Variants in TFEC observed in about 807,000 individuals in gnomAD.
TFEC encodes class E basic helix-loop-helix protein 34.
Under a neutral mutation model 41.6 loss-of-function variants are expected in TFEC, and 31 were observed. That is an observed-to-expected ratio of 0.74 (90% CI 0.56 to 1.01). TFEC has a LOEUF of 1.01. Ranked by LOEUF, TFEC falls within the 50% of genes least tolerant of loss-of-function variation. TFEC has a pLI of 0.00. For synonymous variants in TFEC, 143 were observed against 140.6 expected (o/e 1.02, Z -0.12); for missense variants, 402 against 404.1 (o/e 0.99, Z 0.04).
At chr7:116,023,961 T>C (rs962394767) in intron 1 of TFEC, among the ~76,000 whole-genome samples, 5 of 152,170 alleles carry the variant, frequency 3.3e-5, no homozygotes, top group East Asian at 1.9e-4. Context: ...TTCCCTTTTT[T>C]AGTGGAGACC....
At chr7:116,034,342 T>C (rs1795858882), upstream of TFEC, among the ~76,000 whole-genome samples, 1 of 152,076 alleles carries the variant, frequency 6.6e-6, no homozygotes, top group African/African-American at 2.4e-5. Flanking sequence ...AATTCCATAC[T>C]CATATATCCA....
At chr7:116,036,952 G>A (rs1380340947) in intron 3 of TFEC, among the ~76,000 whole-genome samples, 1 of 151,994 alleles carries the variant, frequency 6.6e-6, no homozygotes, top group African/African-American at 2.4e-5. Context: ...GTTGATAATA[G>A]ATAACATTTA....
chr7:116,103,201 G>T (rs1797642410), intron 3 of TFEC, among the ~76,000 whole-genome samples: 1 of 152,166 alleles, frequency 6.6e-6, no homozygotes, highest in African/African-American at 2.4e-5. Context: ...GAGCCCCAGG[G>T]AAGCAGAGCA....
At chr7:115,968,641 G>A (rs1394255662) in intron 3 of TFEC, among the ~76,000 whole-genome samples, 2 of 151,882 alleles carry the variant, frequency 1.3e-5, no homozygotes, top group East Asian at 1.9e-4. Flanking sequence ...TAAACTCAGA[G>A]GCTAAGCAAT....
intron 1 of TFEC, among the ~76,000 whole-genome samples, chr7:115,999,678 T>C (rs1203972608): frequency 6.6e-6 from 1 of 151,906 alleles, no homozygotes; most frequent in African/African-American, 2.4e-5. Context: ...CAAATGATTA[T>C]TAGGGCTACT....
chr7:116,111,020 A>G, intron 2 of TFEC: 1 of 576,662 alleles, frequency 1.7e-6, no homozygotes, highest in South Asian at 5.1e-5. Context: ...TAAATTTAGT[A>G]AATGATAAGG....
At chr7:116,159,115 G>A (rs1798925399) in intron 1 of TFEC, among the ~76,000 whole-genome samples, 1 of 151,688 alleles carries the variant, frequency 6.6e-6, no homozygotes, top group South Asian at 2.1e-4. Flanking sequence ...TACTTAAAGA[G>A]CTATCTGAAA....
intron 2 of TFEC, among the ~76,000 whole-genome samples, chr7:116,111,339 T>C (rs1396369191): frequency 2.0e-5 from 3 of 152,038 alleles, no homozygotes; most frequent in African/African-American, 2.4e-5. Context: ...TGCAAGTATA[T>C]TAAAATATGT....
intron 1 of TFEC, among the ~76,000 whole-genome samples, chr7:115,990,751 CT>C (rs1794072357): frequency 6.6e-6 from 1 of 152,202 alleles, no homozygotes; most frequent in African/African-American, 2.4e-5. Context: ...AAATCTACAT[CT>C]GATTGGTGTA....
chr7:116,054,776 C>T (rs528376700), intron 3 of TFEC, among the ~76,000 whole-genome samples: 3 of 151,996 alleles, frequency 2.0e-5, no homozygotes, highest in East Asian at 3.9e-4. Context: ...ATCTGGCAAC[C>T]CTATTACTGG....
At chr7:116,047,909 G>A (rs1312937138) in intron 3 of TFEC, among the ~76,000 whole-genome samples, 2 of 152,186 alleles carry the variant, frequency 1.3e-5, no homozygotes, top group Non-Finnish European at 2.9e-5. Context: ...CAACAGACCT[G>A]CAGCTGAGGG....
intron 3 of TFEC, among the ~76,000 whole-genome samples, chr7:116,087,150 A>C (rs1445627205): frequency 6.6e-6 from 1 of 151,980 alleles, no homozygotes; most frequent in Non-Finnish European, 1.5e-5. Context: ...AAAAACTTCC[A>C]ACTAAGCCTA....
At chr7:116,100,898 G>A (rs541653387) in intron 3 of TFEC, among the ~76,000 whole-genome samples, 1 of 152,116 alleles carries the variant, frequency 6.6e-6, no homozygotes, top group African/African-American at 2.4e-5. Context: ...AGCACACTGA[G>A]CCTGAAATGC....
At chr7:116,136,627 A>C (rs575981902) in intron 1 of TFEC, among the ~76,000 whole-genome samples, 2 of 152,054 alleles carry the variant, frequency 1.3e-5, no homozygotes, top group East Asian at 1.9e-4. Context: ...CATTAATATT[A>C]GGTTATTTAT....
At chr7:116,062,705 A>C (rs1444833180) in intron 3 of TFEC, among the ~76,000 whole-genome samples, 2 of 151,680 alleles carry the variant, frequency 1.3e-5, no homozygotes, top group Non-Finnish European at 2.9e-5. Flanking sequence ...TAGTTTTTGT[A>C]TAATGACTTC....
chr7:115,980,712 T>C (rs1793589558), intron 2 of TFEC, among the ~76,000 whole-genome samples: 1 of 151,386 alleles, frequency 6.6e-6, no homozygotes, highest in African/African-American at 2.4e-5. Context: ...ATTGTGCCAC[T>C]GCACTCCAGC....
chr7:115,982,400 T>C (rs1296047757), intron 2 of TFEC, among the ~76,000 whole-genome samples: 1 of 152,188 alleles, frequency 6.6e-6, no homozygotes, highest in Admixed American at 6.6e-5. Context: ...CTATACACTT[T>C]CTGCCTTGAG....
intron 1 of TFEC, among the ~76,000 whole-genome samples, chr7:116,001,878 A>T (rs920061412): frequency 6.6e-6 from 1 of 152,156 alleles, no homozygotes; most frequent in African/African-American, 2.4e-5. Context: ...ACAGGTATAT[A>T]AAAAGGTGCT....
intron 1 of TFEC, among the ~76,000 whole-genome samples, chr7:116,019,773 T>A (rs1231227798): frequency 6.6e-6 from 1 of 152,176 alleles, no homozygotes; most frequent in Non-Finnish European, 1.5e-5. Flanking sequence ...CACTGGCTTA[T>A]CTAATCCCTT....
Sources: allele counts gnomAD v4.1 joint callset (sites outside exome capture counted in the v4.1 genomes callset), GRCh38; gene constraint gnomAD v4.1.1; transcripts MANE v1.5; gene names NCBI Gene and HGNC (gene_info 2026-07-23, HGNC 2026-07-21).